Variants in GSK3B observed in about 807,000 individuals in gnomAD.
The protein encoded by GSK3B is glycogen synthase kinase 3 beta.
Under a neutral mutation model 56.4 loss-of-function variants are expected in GSK3B, and 15 were observed. The ratio of observed to expected loss-of-function variants is 0.27; its 90% CI spans 0.18 to 0.41. The LOEUF (loss-of-function observed/expected upper bound fraction) is 0.41, where lower values mean the gene tolerates loss of function less well. Ranked by LOEUF, GSK3B falls within the 10% of genes least tolerant of loss-of-function variation. The pLI, the probability that GSK3B is intolerant of heterozygous loss-of-function variation, is 1.00. For missense variants in GSK3B, 300 were observed against 513.4 expected (o/e 0.58, Z 4.02); for synonymous variants, 181 against 188.9 (o/e 0.96, Z 0.34).
Position 120,006,025 on chromosome 3 carries a change from G to A in GSK3B, c.89-3786C>T, listed in dbSNP as rs1310093166. ...AGACCCATCAATGTGCTGTATTCAG[G>A]AGACCCATCTCACGTGCAAAGACAC... On this transcript the variant is annotated intron_variant, in intron 1 of 10. Coordinates refer to ENST00000264235, the MANE Select transcript of GSK3B (RefSeq NM_001146156.2). Among the ~76,000 whole-genome samples the A allele has an allele frequency of 3.3e-5, 5 of 152,032 alleles. No individual in the cohort carries two copies. In the East Asian group the frequency reaches 5.8e-4, roughly 18 times the overall value.
In GSK3B at chr3:119,915,997, G is replaced by C. The variant is rs2107457618; in HGVS notation, c.608+47C>G. The stretch of plus-strand genomic sequence containing the variant: ...AATATATTTAAAAGAAGATAGTAGG[G>C]GGAGGAGGGGAAAAGGGAAGGGGCA... On this transcript the variant is annotated intron_variant, in intron 5 of 10. Coordinates refer to ENST00000264235, the MANE Select transcript of GSK3B (RefSeq NM_001146156.2). 3 of 1,331,794 alleles carry C rather than the reference G, an allele frequency of 2.3e-6. No homozygotes were observed. In the East Asian group the frequency reaches 7.0e-5, roughly 31 times the overall value. 82.5% of individuals were successfully genotyped at this position (1,331,794 alleles called of 1,614,324 possible).
At chr3:119,957,643 G>C (rs561012116) in intron 2 of GSK3B, among the ~76,000 whole-genome samples, 1 of 152,262 alleles carries the variant, frequency 6.6e-6, no homozygotes, top group African/African-American at 2.4e-5. Flanking sequence ...ACTATGAGCT[G>C]ACCACTCTGT....
intron 8 of GSK3B, among the ~76,000 whole-genome samples, chr3:119,865,467 T>TATATATATATATATATATA (rs1491089884): frequency 3.8e-4 from 8 of 20,998 alleles, no homozygotes; most frequent in African/African-American, 4.5e-4. Context: ...TATATATATA[T>TATATATATATATATATATA]TTTTTTTTTT....
At chr3:119,986,366 G>C (rs1335259394) in intron 2 of GSK3B, among the ~76,000 whole-genome samples, 1 of 151,994 alleles carries the variant, frequency 6.6e-6, no homozygotes, top group Non-Finnish European at 1.5e-5. Context: ...CTTCTGCACG[G>C]TGAAAGAAAC....
intron 10 of GSK3B, among the ~76,000 whole-genome samples, chr3:119,837,943 C>CATATATATAT (rs10574860): frequency 1.9e-4 from 27 of 138,592 alleles, no homozygotes; most frequent in African/African-American, 6.0e-4. Context: ...TGACCATTCA[C>CATATATATAT]ATATATATAT....
In GSK3B at chr3:119,826,582, C is replaced by A; in HGVS notation, c.*206G>T. On this transcript the variant is annotated 3_prime_UTR_variant, in exon 11 of 11. Coordinates refer to ENST00000264235, the MANE Select transcript of GSK3B (RefSeq NM_001146156.2). ...CCCCTCCCACCCCCTGGATCTCCCT[C>A]AAAGTGAGAATACAATGAAATTGGT... 1 of 548,270 alleles carries A rather than the reference C, an allele frequency of 1.8e-6. No individual in the cohort carries two copies. The highest frequency in any genetic ancestry group is 3.5e-6 in the Non-Finnish European group (1 of 288,026). 34.0% of individuals were successfully genotyped at this position (548,270 alleles called of 1,614,324 possible).
At chr3:120,043,945 T>C (rs1709780559) in intron 1 of GSK3B, among the ~76,000 whole-genome samples, 1 of 152,182 alleles carries the variant, frequency 6.6e-6, no homozygotes, top group Non-Finnish European at 1.5e-5. Context: ...ACTCTAGCAA[T>C]TAAAATAGGA....
intron 2 of GSK3B, among the ~76,000 whole-genome samples, chr3:119,975,012 A>G (rs2057397992): frequency 6.6e-6 from 1 of 152,224 alleles, no homozygotes; most frequent in South Asian, 2.1e-4. Flanking sequence ...ACCACATAAA[A>G]ACCTGCACAT....
At chr3:120,010,120 A>C (rs1003410447) in intron 1 of GSK3B, among the ~76,000 whole-genome samples, 1 of 152,204 alleles carries the variant, frequency 6.6e-6, no homozygotes, top group Non-Finnish European at 1.5e-5. Context: ...CCCCAGCATA[A>C]GCCAATATAA....
At chr3:119,899,952 T>C (rs2056609913) in intron 7 of GSK3B, among the ~76,000 whole-genome samples, 1 of 152,118 alleles carries the variant, frequency 6.6e-6, no homozygotes, top group Non-Finnish European at 1.5e-5. Context: ...TATTTGCATC[T>C]GTGTTGTACT....
intron 1 of GSK3B, among the ~76,000 whole-genome samples, chr3:120,068,057 A>G (rs143792654): frequency 2.0e-5 from 3 of 152,334 alleles, no homozygotes; most frequent in African/African-American, 7.2e-5. Context: ...AGAAACAAAT[A>G]GTATTTTCCA....
At chr3:119,852,476 G>A (rs1464141003) in intron 9 of GSK3B, among the ~76,000 whole-genome samples, 2 of 151,894 alleles carry the variant, frequency 1.3e-5, no homozygotes, top group African/African-American at 2.4e-5. Context: ...AGCCTCCTGA[G>A]TAGTGGGATT....
chr3:120,000,986 G>A (rs1336533038), intron 2 of GSK3B, among the ~76,000 whole-genome samples: 5 of 142,562 alleles, frequency 3.5e-5, no homozygotes, highest in Admixed American at 7.2e-5. Flanking sequence ...GTGCAGTGGC[G>A]CGATCTCGGC....
At chr3:120,060,045 T>G (rs554420380) in intron 1 of GSK3B, among the ~76,000 whole-genome samples, 2 of 152,062 alleles carry the variant, frequency 1.3e-5, no homozygotes, top group Non-Finnish European at 2.9e-5. Context: ...CACAATGAAC[T>G]ACACAGGCAT....
chr3:119,918,181 T>A (rs1041128887), intron 4 of GSK3B, among the ~76,000 whole-genome samples: 1 of 152,032 alleles, frequency 6.6e-6, no homozygotes, highest in Non-Finnish European at 1.5e-5. Context: ...ATTAAATAGC[T>A]TGGTGGAGGC....
At chr3:119,999,443 TAATAAC>T (rs2057654794) in intron 2 of GSK3B, among the ~76,000 whole-genome samples, 1 of 152,210 alleles carries the variant, frequency 6.6e-6, no homozygotes, top group Non-Finnish European at 1.5e-5. Flanking sequence ...CTTATCCAAA[TAATAAC>T]AATATCAATC....
intron 1 of GSK3B, among the ~76,000 whole-genome samples, chr3:120,089,490 A>C (rs1433285169): frequency 6.6e-6 from 1 of 152,226 alleles, no homozygotes; most frequent in Non-Finnish European, 1.5e-5. Context: ...GGGAATACGG[A>C]AACTCTAAGT....
intron 1 of GSK3B, among the ~76,000 whole-genome samples, chr3:120,025,566 C>T (rs113794618): frequency 6.6e-6 from 1 of 152,038 alleles, no homozygotes; most frequent in African/African-American, 2.4e-5. Context: ...TAAGTAGATG[C>T]CACACATGAA....
intron 2 of GSK3B, among the ~76,000 whole-genome samples, chr3:119,963,724 G>A (rs2057295075): frequency 6.7e-6 from 1 of 150,040 alleles, no homozygotes; most frequent in Non-Finnish European, 1.5e-5. Context: ...CAGAAATAAA[G>A]TCAATGGATC....
Sources: gnomAD v4.1 joint callset for allele counts (sites outside exome capture counted in the v4.1 genomes callset) on GRCh38, gnomAD v4.1.1 for gene constraint, MANE v1.5 for transcripts, NCBI Gene and HGNC (gene_info 2026-07-23, HGNC 2026-07-21) for gene names.